Variants in ARF4 observed in about 807,000 individuals in gnomAD.
ARF4 encodes ARF GTPase 4, also known as ADP-ribosylation factor 4.
In ARF4, 5 loss-of-function variants were observed where a neutral mutation model predicts 24.3. The ratio of observed to expected loss-of-function variants is 0.21; its 90% CI spans 0.11 to 0.43. ARF4 has a LOEUF of 0.43. Among genes scored for constraint, ARF4 ranks in the 20% least tolerant of loss-of-function variants. The pLI, the probability that ARF4 is intolerant of heterozygous loss-of-function variation, is 1.00. For synonymous variants in ARF4, 62 were observed against 73.5 expected (o/e 0.84, Z 0.80); for missense variants, 107 against 213.0 (o/e 0.50, Z 3.10).
intron 5 of ARF4, among the ~76,000 whole-genome samples, chr3:57,574,909 C>T (rs1231597506): frequency 2.0e-5 from 3 of 150,544 alleles, no homozygotes; most frequent in Non-Finnish European, 4.4e-5. Flanking sequence ...AGTGCAGTGG[C>T]GCGATCGCGA....
chr3:57,582,163 A>T (rs1029599735), intron 3 of ARF4, among the ~76,000 whole-genome samples: 1 of 152,226 alleles, frequency 6.6e-6, no homozygotes, highest in Non-Finnish European at 1.5e-5. Flanking sequence ...AACATTTTCC[A>T]TAAGGAAGCT....
intron 1 of ARF4, among the ~76,000 whole-genome samples, chr3:57,590,933 A>G (rs551603866): frequency 6.6e-6 from 1 of 152,304 alleles, no homozygotes; most frequent in East Asian, 1.9e-4. Context: ...TTAAAATTGA[A>G]TATTTACTGC....
At chr3:57,594,913 C>T (rs2070163124) in intron 1 of ARF4, among the ~76,000 whole-genome samples, 1 of 152,182 alleles carries the variant, frequency 6.6e-6, no homozygotes, top group Non-Finnish European at 1.5e-5. Context: ...ATATCTCCCT[C>T]GTACGTTGAT....
chr3:57,589,067 A>C (rs753996886), intron 1 of ARF4, among the ~76,000 whole-genome samples: 66 of 150,060 alleles, frequency 4.4e-4, no homozygotes, highest in Non-Finnish European at 1.2e-4. Context: ...GCGCCATTAC[A>C]CTCCAACCTG....
At chr3:57,585,507 C>T (rs2070025222) in intron 1 of ARF4, among the ~76,000 whole-genome samples, 2 of 152,046 alleles carry the variant, frequency 1.3e-5, no homozygotes, top group Non-Finnish European at 2.9e-5. Context: ...TATCACATTA[C>T]CTAATGTAAA....
chr3:57,583,369 G>A (rs905357190), intron 3 of ARF4, among the ~76,000 whole-genome samples: 17 of 151,954 alleles, frequency 1.1e-4, no homozygotes, highest in African/African-American at 3.9e-4. Context: ...TGATTCTTAC[G>A]TGCCACCCCC....
chr3:57,593,534 C>G (rs2070139729), intron 1 of ARF4, among the ~76,000 whole-genome samples: 1 of 152,186 alleles, frequency 6.6e-6, no homozygotes, highest in African/African-American at 2.4e-5. Flanking sequence ...CACTGGCATA[C>G]TACACTACAC....
intron 5 of ARF4, among the ~76,000 whole-genome samples, chr3:57,575,077 C>T (rs939004768): frequency 1.3e-5 from 2 of 151,142 alleles, no homozygotes; most frequent in African/African-American, 2.4e-5. Flanking sequence ...CTCAAACTCC[C>T]GACCTCAGAT....
At chr3:57,594,628 T>C (rs2070159588) in intron 1 of ARF4, among the ~76,000 whole-genome samples, 3 of 152,236 alleles carry the variant, frequency 2.0e-5, no homozygotes, top group Non-Finnish European at 2.9e-5. Context: ...CATAGTAGTT[T>C]GGCAAACCTG....
Position 57,571,403 on chromosome 3 carries a change from G to A in ARF4, c.*809C>T, listed in dbSNP as rs905931561. 6.6e-6 allele frequency: 1 copy of A among 152,500 alleles called. No homozygotes were observed. The allele number at this position is 152,500 out of a possible 1,614,324, so 9.4% of individuals were successfully genotyped here. On this transcript the variant is annotated 3_prime_UTR_variant, in exon 6 of 6. Transcript: ENST00000303436. ...TTTTATTAGGAATAATTCCAAATGG[G>A]TTATGAAGAAAATGTATTCATCGAA...
At chr3:57,589,516 G>A (rs996270774) in intron 1 of ARF4, among the ~76,000 whole-genome samples, 1 of 152,038 alleles carries the variant, frequency 6.6e-6, no homozygotes, top group Non-Finnish European at 1.5e-5. Context: ...TCAGCAGTTC[G>A]CGACCAGCCT....
At chr3:57,593,927 G>GAA (rs199638196) in intron 1 of ARF4, among the ~76,000 whole-genome samples, 2 of 151,482 alleles carry the variant, frequency 1.3e-5, no homozygotes, top group African/African-American at 2.4e-5. Flanking sequence ...TACTCAAAAG[G>GAA]AAAAAAAACA....
intron 3 of ARF4, among the ~76,000 whole-genome samples, chr3:57,580,462 C>T (rs1235780209): frequency 1.3e-5 from 2 of 152,122 alleles, no homozygotes; most frequent in Admixed American, 6.6e-5. Flanking sequence ...AGTACAGAGG[C>T]GCAACTGTAG....
intron 1 of ARF4, among the ~76,000 whole-genome samples, chr3:57,586,826 G>A (rs2070043278): frequency 6.6e-6 from 1 of 152,076 alleles, no homozygotes; most frequent in African/African-American, 2.4e-5. Flanking sequence ...ATCTTTAAAT[G>A]GTCCAACAAA....
chr3:57,587,244 A>G (rs756592231), intron 1 of ARF4, among the ~76,000 whole-genome samples: 4 of 149,438 alleles, frequency 2.7e-5, no homozygotes, highest in Admixed American at 6.8e-5. Context: ...GCTTGAACCC[A>G]GGAGGCGGAT....
At chr3:57,582,431 CG>C (rs141948832) in intron 3 of ARF4, among the ~76,000 whole-genome samples, 32,824 of 151,792 alleles carry the variant, frequency 0.22, 4,367 homozygotes, top group East Asian at 0.43. Flanking sequence ...TTAGTAAAGA[CG>C]GGGTTTCACT....
At chr3:57,590,906 T>C (rs58166619) in intron 1 of ARF4, among the ~76,000 whole-genome samples, 2,420 of 152,308 alleles carry the variant, frequency 0.016, 62 homozygotes, top group African/African-American at 0.055. Flanking sequence ...GGCTGCGTAA[T>C]AGTTTAAAAT....
intron 1 of ARF4, among the ~76,000 whole-genome samples, chr3:57,584,959 G>A (rs1397492787): frequency 6.6e-6 from 1 of 152,092 alleles, no homozygotes; most frequent in Non-Finnish European, 1.5e-5. Context: ...CACCTCCCGG[G>A]TTCGAGCAAT....
rs770467489 is a variant in ARF4 at position 57,575,583 on chromosome 3, C to T, written c.421G>A (p.Asp141Asn). Reference sequence around the variant, plus strand: ...CGAAGAGACTGAAGCCCTAGTTTATCTGTCATTTCACTGATGGCCATAGCA... The same window carrying T: ...CGAAGAGACTGAAGCCCTAGTTTATTTGTCATTTCACTGATGGCCATAGCA... ...PNAMAISEMT[D>N]KLGLQSLRNR... Residue 141 changes from aspartate to asparagine, a missense_variant, in exon 5 of 6, where the codon GAT (aspartate) becomes AAT (asparagine). Physicochemically the swap from Asp to Asn is conservative, Grantham distance 23. Coordinates refer to ENST00000303436, the MANE Select transcript of ARF4 (RefSeq NM_001660.4). The T allele has an allele frequency of 4.3e-6, 7 of 1,613,204 alleles. No individual in the cohort carries two copies. Among genetic ancestry groups the T allele is most frequent in the Non-Finnish European group, 5.9e-6 (7 of 1,179,778 alleles).
Sources: gnomAD v4.1 joint callset for allele counts (sites outside exome capture counted in the v4.1 genomes callset) on GRCh38, gnomAD v4.1.1 for gene constraint, MANE v1.5 for transcripts, NCBI Gene and HGNC (gene_info 2026-07-23, HGNC 2026-07-21) for gene names.